The following MTMR2 variants were observed in gnomAD, a reference collection of about 807,000 sequenced individuals.
The protein encoded by MTMR2 is phosphatidylinositol-3,5-bisphosphate 3-phosphatase MTMR2.
MTMR2 carries 55 observed loss-of-function variants against 86.9 expected under a neutral mutation model. The observed-to-expected ratio is 0.63, with a 90% CI of 0.51 to 0.79. The LOEUF (loss-of-function observed/expected upper bound fraction) is 0.79. Ranked by LOEUF, MTMR2 falls within the 30% of genes least tolerant of loss-of-function variation. The pLI is 0.00. For missense variants in MTMR2, 659 were observed against 772.3 expected (o/e 0.85, Z 1.74); for synonymous variants, 241 against 266.8 (o/e 0.90, Z 0.94).
intron 2 of MTMR2, among the ~76,000 whole-genome samples, chr11:95,873,579 T>A (rs1864979255): frequency 6.6e-6 from 1 of 152,154 alleles, no homozygotes; most frequent in African/African-American, 2.4e-5. Context: ...TTGAAGGGTT[T>A]TTTGTGTCTC....
intron 7 of MTMR2, among the ~76,000 whole-genome samples, chr11:95,854,805 A>AT (rs1350939055): frequency 6.9e-6 from 1 of 145,894 alleles, no homozygotes; most frequent in Non-Finnish European, 1.5e-5. Context: ...ATGACTTGAT[A>AT]TTTTTCCTTT....
At position 95,868,444 on chromosome 11, in the gene MTMR2, A is replaced by G. The variant is rs1591003863; in HGVS notation, c.187-2768T>C. Among the ~76,000 whole-genome samples the G allele has an allele frequency of 3.3e-5, 5 of 152,226 alleles. No homozygotes were observed. In the South Asian group the frequency reaches 8.3e-4, roughly 25 times the overall value. ...ATAGCAGAAATAAAATCTGTATGCA[A>G]TTAGCAACAAATTGCATTGGTTATT... On this transcript the variant is annotated intron_variant, in intron 2 of 14. Coordinates refer to ENST00000346299, the MANE Select transcript of MTMR2 (RefSeq NM_016156.6).
chr11:95,849,647 A>C (rs370440874), intron 9 of MTMR2, 27 bp downstream of exon 9: 66 of 1,584,302 alleles, frequency 4.2e-5, no homozygotes, highest in Non-Finnish European at 5.4e-5. Context: ...TGAAACCATA[A>C]TTATAATTAC....
intron 1 of MTMR2, among the ~76,000 whole-genome samples, chr11:95,921,084 A>G (rs917339540): frequency 3.3e-5 from 5 of 152,366 alleles, no homozygotes; most frequent in Admixed American, 2.0e-4. Context: ...TACCACCTTC[A>G]GATATAAATT....
intron 14 of MTMR2, 107 bp from the exon 15 acceptor site, chr11:95,835,558 T>A: frequency 8.9e-7 from 1 of 1,126,424 alleles, no homozygotes; most frequent in Non-Finnish European, 1.3e-6. Context: ...TTGGAACCAA[T>A]GGCACCTTTC....
chr11:95,876,970 AG>A (rs1269798077), intron 2 of MTMR2, among the ~76,000 whole-genome samples: 7 of 152,228 alleles, frequency 4.6e-5, no homozygotes, highest in Non-Finnish European at 8.8e-5. Context: ...GTAGAAAAAT[AG>A]GAAAGAATTT....
intron 5 of MTMR2, 120 bp downstream of exon 5, chr11:95,861,872 A>C: frequency 1.2e-6 from 1 of 823,288 alleles, no homozygotes; most frequent in Non-Finnish European, 2.0e-6. Flanking sequence ...TGTCATACTA[A>C]AATAACATTT....
chr11:95,874,840 C>T (rs1311715940), intron 2 of MTMR2, among the ~76,000 whole-genome samples: 2 of 152,062 alleles, frequency 1.3e-5, no homozygotes, highest in African/African-American at 4.8e-5. Context: ...GATTTTATTT[C>T]TCCTTCACTT....
At position 95,836,294 on chromosome 11, in the gene MTMR2, A is replaced by G. The variant is rs762227896; in HGVS notation, c.1624T>C (p.Ser542Pro). ...NLPKRTVSLW[S>P]YINSQLEDFT... is the part of the protein sequence containing the mutation. ...TCTTCCAGCTGGCTGTTTATGTAAG[A>G]CCACAGTGACACAGTCCTTTTAGGA... The change falls in exon 14 of 15, where the codon TCT becomes CCT. Residue 542 changes from serine to proline, a missense_variant. Around this residue, in one of 3 missense-constraint regions of MTMR2, gnomAD observed 193 missense variants for 191.6 expected, o/e 1.01. Transcript: ENST00000346299. 6.2e-7 allele frequency: 1 copy of G among 1,612,892 alleles called. No homozygotes were observed. Among genetic ancestry groups the G allele is most frequent in the Non-Finnish European group, 8.5e-7 (1 of 1,179,098 alleles).
intron 2 of MTMR2, among the ~76,000 whole-genome samples, chr11:95,876,668 A>G (rs1019800337): frequency 6.6e-6 from 1 of 152,016 alleles, no homozygotes; most frequent in Non-Finnish European, 1.5e-5. Context: ...CAAATTTATA[A>G]TTTTTTTTAT....
At chr11:95,842,296 C>T (rs2135418894) in intron 11 of MTMR2, among the ~76,000 whole-genome samples, 1 of 152,256 alleles carries the variant, frequency 6.6e-6, no homozygotes, top group Non-Finnish European at 1.5e-5. Context: ...CAGTCAGAAC[C>T]TCAGAGGCCA....
intron 1 of MTMR2, among the ~76,000 whole-genome samples, chr11:95,922,578 T>C (rs1321781645): frequency 6.6e-6 from 1 of 152,004 alleles, no homozygotes; most frequent in Non-Finnish European, 1.5e-5. Context: ...AAAAACCATT[T>C]AGTGAGCACC....
chr11:95,921,833 G>A (rs1866939675), intron 1 of MTMR2, among the ~76,000 whole-genome samples: 2 of 152,206 alleles, frequency 1.3e-5, no homozygotes, highest in South Asian at 2.1e-4. Flanking sequence ...ATTCTCTCGA[G>A]GAGTACTTAA....
chr11:95,849,889 C>T (rs1863952339), intron 8 of MTMR2, 27 bp from the exon 9 acceptor site: 9 of 1,556,794 alleles, frequency 5.8e-6, no homozygotes, highest in African/African-American at 5.4e-5. Flanking sequence ...TGGTAACACA[C>T]CTTTTACATA....
Position 95,835,396 on chromosome 11 carries a change from T to C in MTMR2, c.1826A>G (p.Lys609Arg), listed in dbSNP as rs762262045. 6.2e-6 allele frequency: 10 copies of C among 1,613,148 alleles called. 1 individual carries two copies. Among genetic ancestry groups the C allele is most frequent in the Middle Eastern group, 3.3e-4 (2 of 6,064 alleles). Residue 609 changes from lysine to arginine, a missense_variant, in exon 15 of 15, where the codon AAA (lysine) becomes AGA (arginine). By Grantham distance (26) the Lys-to-Arg change is conservative (BLOSUM62 2). Around this residue, in one of 3 missense-constraint regions of MTMR2, gnomAD observed 193 missense variants for 191.6 expected, o/e 1.01. Coordinates refer to ENST00000346299, the MANE Select transcript of MTMR2 (RefSeq NM_016156.6). ...ELLAKRAELQ[K>R]KVEELQREIS... ...CTCTCTCTGTAGTTCCTCTACTTTT[T>C]TCTGAAGCTCTGCTCGTTTAGCAAG... is the stretch of plus-strand genomic sequence containing the variant.
intron 12 of MTMR2, 74 bp from the exon 13 acceptor site, chr11:95,838,281 C>T (rs1863383323): frequency 1.8e-5 from 15 of 816,492 alleles, no homozygotes; most frequent in Admixed American, 1.7e-4. Context: ...TGGGTAGATC[C>T]TTTTGAGGTA....
chr11:95,896,549 A>G (rs1384892492), intron 1 of MTMR2, among the ~76,000 whole-genome samples: 1 of 152,092 alleles, frequency 6.6e-6, no homozygotes, highest in Non-Finnish European at 1.5e-5. Flanking sequence ...TTTGCTCAAC[A>G]TTCTACTCCT....
Position 95,842,663 on chromosome 11 carries a change from T to C in MTMR2, c.1387-954A>G, listed in dbSNP as rs182210165. Among the ~76,000 whole-genome samples the C allele has an allele frequency of 3.8e-3, 579 of 152,306 alleles. 4 individuals carry two copies. The highest frequency in any genetic ancestry group is 0.024 in the Middle Eastern group (7 of 294). Reference sequence around the variant, plus strand: ...CAAGGGCTGTGAGGTCAAAACTATTTCCATAATATTAAGACATTATTTACC... The same window carrying C: ...CAAGGGCTGTGAGGTCAAAACTATTCCCATAATATTAAGACATTATTTACC... On this transcript the variant is annotated intron_variant, in intron 11 of 14. Transcript: ENST00000346299.
intron 1 of MTMR2, among the ~76,000 whole-genome samples, chr11:95,921,201 G>C (rs1164573746): frequency 6.6e-6 from 1 of 152,120 alleles, no homozygotes. Context: ...TTTCTTTGTA[G>C]CTAAACTCAG....
Sources: allele counts gnomAD v4.1 joint callset (sites outside exome capture counted in the v4.1 genomes callset), GRCh38; gene constraint gnomAD v4.1.1; regional missense constraint gnomAD v4.1.1; transcripts MANE v1.5; gene names NCBI Gene and HGNC (gene_info 2026-07-23, HGNC 2026-07-21).